The following TGFBR3 variants were observed in gnomAD, a reference collection of about 807,000 sequenced individuals.
The protein encoded by TGFBR3 is transforming growth factor beta receptor type 3.
In TGFBR3, 46 loss-of-function variants were observed where a neutral mutation model predicts 87.9. That is an observed-to-expected ratio of 0.52 (90% confidence interval 0.41 to 0.67). The LOEUF (loss-of-function observed/expected upper bound fraction) is 0.67, where lower values mean the gene tolerates loss of function less well. TGFBR3 is among the 30% of genes least tolerant of loss of function. The pLI, the probability that TGFBR3 is intolerant of heterozygous loss-of-function variation, is 0.00. For missense variants in TGFBR3, 866 were observed against 1,041.9 expected, an observed-to-expected ratio of 0.83 and a Z score of 2.32; for synonymous variants, 381 against 391.6, an observed-to-expected ratio of 0.97 and a Z score of 0.32.
At chr1:91,841,836 G>T (rs1328955048) in intron 2 of TGFBR3, among the ~76,000 whole-genome samples, 1 of 150,176 alleles carries the variant, frequency 6.7e-6, no homozygotes, top group Non-Finnish European at 1.5e-5. Context: ...CAGGTGGAGT[G>T]GCTCACACCT....
rs753168518 is a variant in TGFBR3, at chr1:91,682,225, A to G, written c.*1514T>C. On this transcript the variant is annotated 3_prime_UTR_variant, in exon 17 of 17. Transcript: ENST00000212355. ...AGGTTCCATTCACAGACAACCAGGC[A>G]TAACTTCCTTATTTTAAGGGCAGTG... 7 of 453,976 alleles carry G rather than the reference A, an allele frequency of 1.5e-5. No individual in the cohort carries two copies. In the East Asian group the frequency reaches 4.9e-4, roughly 32 times the overall value. 28.1% of individuals were successfully genotyped at this position (453,976 alleles called of 1,614,324 possible).
At chr1:91,702,785 CTG>C (rs1671667507) in intron 14 of TGFBR3, among the ~76,000 whole-genome samples, 1 of 152,118 alleles carries the variant, frequency 6.6e-6, no homozygotes, top group Non-Finnish European at 1.5e-5. Context: ...TGGCTCAGGC[CTG>C]TAATCCCAGC....
chr1:91,756,126 C>T (rs529800501), intron 4 of TGFBR3, among the ~76,000 whole-genome samples: 1 of 147,246 alleles, frequency 6.8e-6, no homozygotes, highest in East Asian at 2.1e-4. Flanking sequence ...GCTCATAATG[C>T]CTCCATAACC....
At chr1:91,729,073 CACACCAA>C in intron 6 of TGFBR3, among the ~76,000 whole-genome samples, 1 of 96,356 alleles carries the variant, frequency 1.0e-5, no homozygotes, top group African/African-American at 4.1e-5. Context: ...CACACACACA[CACACCAA>C]GCACACAAGG....
chr1:91,683,984 C>A (rs771208481), intron 16 of TGFBR3, 127 bp from the exon 17 acceptor site: 72 of 800,940 alleles, frequency 9.0e-5, no homozygotes, highest in Admixed American at 1.2e-4. Context: ...GCAGAAGCAA[C>A]TAGACTAGGT....
intron 3 of TGFBR3, among the ~76,000 whole-genome samples, chr1:91,787,987 A>G (rs1269515550): frequency 2.0e-5 from 3 of 151,640 alleles, no homozygotes; most frequent in Non-Finnish European, 4.4e-5. Context: ...CAGCTGAGAA[A>G]GAAACAGAAA....
chr1:91,772,549 C>A (rs1199621152), intron 3 of TGFBR3, among the ~76,000 whole-genome samples: 1 of 152,134 alleles, frequency 6.6e-6, no homozygotes, highest in East Asian at 1.9e-4. Context: ...ATGAATTAAG[C>A]AACTGAGCTA....
In TGFBR3 at chr1:91,827,592, G is replaced by A. The variant is rs148328265; in HGVS notation, c.62-30121C>T. 3.0e-3 allele frequency among the ~76,000 whole-genome samples: 450 copies of A among 152,256 alleles called. 3 individuals carry two copies. The highest frequency in any genetic ancestry group is 0.01 in the African/African-American group (419 of 41,534). ...GCCCCCATTATCCTCCACTTCTTAA[G>A]GCTTCTTTGTATGCACGCCGCATGA... On this transcript the variant is annotated intron_variant, in intron 2 of 16. Coordinates refer to ENST00000212355, the MANE Select transcript of TGFBR3 (RefSeq NM_003243.5).
At chr1:91,804,058 G>C (rs560426916) in intron 2 of TGFBR3, among the ~76,000 whole-genome samples, 1 of 152,292 alleles carries the variant, frequency 6.6e-6, no homozygotes, top group Non-Finnish European at 1.5e-5. Context: ...TGAGAAATGG[G>C]GAAGAACCAT....
At chr1:91,762,863 C>T (rs576276228) in intron 3 of TGFBR3, among the ~76,000 whole-genome samples, 29 of 152,226 alleles carry the variant, frequency 1.9e-4, no homozygotes, top group Non-Finnish European at 3.4e-4. Flanking sequence ...TCTGGGGAAT[C>T]TGAACACAAC....
chr1:91,839,234 C>T (rs1475134209), intron 2 of TGFBR3, among the ~76,000 whole-genome samples: 1 of 152,128 alleles, frequency 6.6e-6, no homozygotes, highest in Non-Finnish European at 1.5e-5. Context: ...CACCTCACCC[C>T]GTGAAAGTAC....
At chr1:91,811,638 G>T (rs960863852) in intron 2 of TGFBR3, among the ~76,000 whole-genome samples, 1 of 152,160 alleles carries the variant, frequency 6.6e-6, no homozygotes, top group Admixed American at 6.5e-5. Context: ...AAGGCTAAGA[G>T]AGAAGGGTAT....
At chr1:91,873,405 C>T (rs1678664551) in intron 1 of TGFBR3, among the ~76,000 whole-genome samples, 1 of 151,114 alleles carries the variant, frequency 6.6e-6, no homozygotes, top group Non-Finnish European at 1.5e-5. Flanking sequence ...GCCTCTGCCT[C>T]CCAAGTAGCT....
chr1:91,821,825 C>A (rs1330284982), intron 2 of TGFBR3, among the ~76,000 whole-genome samples: 4 of 152,232 alleles, frequency 2.6e-5, no homozygotes, highest in African/African-American at 9.6e-5. Context: ...GTGAGGATTA[C>A]ATAATGCATG....
chr1:91,763,394 A>G (rs1015216425), intron 3 of TGFBR3, among the ~76,000 whole-genome samples: 1 of 152,230 alleles, frequency 6.6e-6, no homozygotes, highest in African/African-American at 2.4e-5. Context: ...TGGGCTGTTC[A>G]TGAAGCAATG....
In TGFBR3 at chr1:91,683,219, T is replaced by C. The variant is rs1442021984; in HGVS notation, c.*520A>G. 2.4e-5 allele frequency: 11 copies of C among 454,616 alleles called. No individual in the cohort carries two copies. In the Admixed American group the frequency reaches 2.6e-4, roughly 11 times the overall value. The allele number at this position is 454,616 out of a possible 1,614,324, so 28.2% of individuals were successfully genotyped here. A position where few individuals can be genotyped will look rare whatever the true frequency, so the allele number is the denominator to read the frequency against. ...GTGGCAGCAAGGTCAGAAGTGTGCA[T>C]CCAGACAAAGGTGCAAATTAGACAG... On this transcript the variant is annotated 3_prime_UTR_variant, in exon 17 of 17. Coordinates refer to ENST00000212355, the MANE Select transcript of TGFBR3 (RefSeq NM_003243.5).
intron 2 of TGFBR3, among the ~76,000 whole-genome samples, chr1:91,817,009 C>A (rs1292660917): frequency 6.6e-6 from 1 of 152,152 alleles, no homozygotes; most frequent in Non-Finnish European, 1.5e-5. Context: ...TTTGACAGAA[C>A]CAAACTGTGG....
At chr1:91,844,081 T>C (rs1369827528) in intron 2 of TGFBR3, among the ~76,000 whole-genome samples, 1 of 152,200 alleles carries the variant, frequency 6.6e-6, no homozygotes, top group African/African-American at 2.4e-5. Flanking sequence ...AACTCTGACA[T>C]TTAGTCCAAA....
chr1:91,776,844 C>G (rs918350084), intron 3 of TGFBR3, among the ~76,000 whole-genome samples: 17 of 152,194 alleles, frequency 1.1e-4, no homozygotes, highest in African/African-American at 4.1e-4. Flanking sequence ...AAAGGTAGCA[C>G]AAACATCAAC....
Sources: allele counts gnomAD v4.1 joint callset (sites outside exome capture counted in the v4.1 genomes callset), GRCh38; gene constraint gnomAD v4.1.1; transcripts MANE v1.5; gene names NCBI Gene and HGNC (gene_info 2026-07-23, HGNC 2026-07-21).